CHRM3: variants seen among roughly 807,000 people sequenced by gnomAD.
CHRM3 encodes muscarinic acetylcholine receptor M3.
CHRM3 carries 11 observed loss-of-function variants against 41.8 expected under a neutral mutation model. The observed-to-expected ratio is 0.26, with a 90% CI of 0.17 to 0.44. The LOEUF is 0.44. CHRM3 is among the 20% of genes least tolerant of loss of function. The pLI is 1.00. For synonymous variants in CHRM3, 297 were observed against 301.4 expected (o/e 0.99, Z 0.15); for missense variants, 571 against 745.4 (o/e 0.77, Z 2.72).
chr1:239,479,449 C>A (rs1220386903), intron 1 of CHRM3, among the ~76,000 whole-genome samples: 1 of 152,048 alleles, frequency 6.6e-6, no homozygotes, highest in East Asian at 1.9e-4. Context: ...CCAATGGAAG[C>A]CAAAAGACAT....
In CHRM3 at chr1:239,550,988, A is replaced by T. The variant is rs181982779; in HGVS notation, c.-313+5239A>T. Reference sequence around the variant, plus strand: ...TGTTCAACATTCCAGGCTTGAATTCATCACTGTTTTTTAAAGTATACATAT... The same window carrying T: ...TGTTCAACATTCCAGGCTTGAATTCTTCACTGTTTTTTAAAGTATACATAT... On this transcript the variant is annotated intron_variant, in intron 3 of 6. Coordinates refer to ENST00000676153, the MANE Select transcript of CHRM3 (RefSeq NM_001375978.1). 3.9e-5 allele frequency among the ~76,000 whole-genome samples: 6 copies of T among 152,012 alleles called. No individual in the cohort carries two copies. In the East Asian group the frequency reaches 7.7e-4, roughly 20 times the overall value.
intron 2 of CHRM3, among the ~76,000 whole-genome samples, chr1:239,535,219 G>C (rs191332419): frequency 6.6e-6 from 1 of 152,180 alleles, no homozygotes; most frequent in South Asian, 2.1e-4. Context: ...CCAATCAACC[G>C]TGCCAGTGGC....
intron 3 of CHRM3, among the ~76,000 whole-genome samples, chr1:239,622,393 C>T (rs1668478176): frequency 6.6e-6 from 1 of 152,076 alleles, no homozygotes; most frequent in Non-Finnish European, 1.5e-5. Flanking sequence ...TGGATCTGGG[C>T]AATGTCAATT....
chr1:239,850,449 T>G (rs1446415748), intron 6 of CHRM3, among the ~76,000 whole-genome samples: 1 of 152,116 alleles, frequency 6.6e-6, no homozygotes, highest in Non-Finnish European at 1.5e-5. Flanking sequence ...GTAATTTTCA[T>G]TGAAAGAAAT....
chr1:239,824,266 C>T (rs1384841190), intron 5 of CHRM3, among the ~76,000 whole-genome samples: 3 of 152,122 alleles, frequency 2.0e-5, no homozygotes, highest in Admixed American at 1.3e-4. Context: ...AGAGAACAAC[C>T]GTCAGCAAGT....
chr1:239,526,193 C>T (rs1669983179), intron 2 of CHRM3, among the ~76,000 whole-genome samples: 1 of 152,110 alleles, frequency 6.6e-6, no homozygotes, highest in African/African-American at 2.4e-5. Flanking sequence ...TTGCCTATGT[C>T]CTTGCCTGTC....
In CHRM3 at chr1:239,874,297, A is replaced by ATATATATATCTATATACACAGTG. The variant is rs1553291920; in HGVS notation, c.-19-33127_-19-33126insCTATATACACAGTGTATATATAT. ...ATCTATATACACAGTATATATATATATATATATATATATATATATATATAT... is the reference window on the plus strand; with the variant it reads ...ATCTATATACACAGTATATATATATATATATATATCTATATACACAGTGTATATATATATATATATATATATAT... On this transcript the variant is annotated intron_variant, in intron 6 of 6. Coordinates refer to ENST00000676153, the MANE Select transcript of CHRM3 (RefSeq NM_001375978.1). 7.9e-4 allele frequency among the ~76,000 whole-genome samples: 73 copies of ATATATATATCTATATACACAGTG among 92,194 alleles called. 3 individuals carry two copies. Among genetic ancestry groups the ATATATATATCTATATACACAGTG allele is most frequent in the Non-Finnish European group, 1.2e-3 (55 of 47,612 alleles). 60.5% of individuals were successfully genotyped at this position (92,194 alleles called of 152,430 possible).
chr1:239,904,542 A>G (rs898632553), intron 6 of CHRM3, among the ~76,000 whole-genome samples: 1 of 152,228 alleles, frequency 6.6e-6, no homozygotes, highest in African/African-American at 2.4e-5. Flanking sequence ...CAGCAGACAG[A>G]TCTTCTGTAC....
intron 3 of CHRM3, among the ~76,000 whole-genome samples, chr1:239,630,822 T>TA (rs1669733470): frequency 6.6e-6 from 1 of 151,930 alleles, no homozygotes; most frequent in Non-Finnish European, 1.5e-5. Context: ...GCCCAGGGTA[T>TA]AAAGTGCATG....
At chr1:239,890,481 G>C (rs1035524647) in intron 6 of CHRM3, among the ~76,000 whole-genome samples, 1 of 152,110 alleles carries the variant, frequency 6.6e-6, no homozygotes, top group Admixed American at 6.6e-5. Flanking sequence ...CTGAGCATCA[G>C]TGTCCTCATA....
At chr1:239,759,970 A>G (rs904301424) in intron 5 of CHRM3, among the ~76,000 whole-genome samples, 14 of 151,946 alleles carry the variant, frequency 9.2e-5, no homozygotes, top group Non-Finnish European at 2.9e-5. Context: ...GCTGGAGTGC[A>G]GTGGCGCGAT....
chr1:239,569,804 C>T (rs756031813), intron 3 of CHRM3, among the ~76,000 whole-genome samples: 18 of 152,010 alleles, frequency 1.2e-4, no homozygotes, highest in Non-Finnish European at 2.4e-4. Context: ...GGAGTCTGGT[C>T]ATAAATGTCT....
At chr1:239,581,473 G>A (rs1249054136) in intron 3 of CHRM3, among the ~76,000 whole-genome samples, 4 of 151,556 alleles carry the variant, frequency 2.6e-5, no homozygotes, top group African/African-American at 4.8e-5. Context: ...TGGGGGGGAT[G>A]TATGTATAAA....
chr1:239,629,426 G>C (rs558101353), intron 3 of CHRM3: 5 of 150,302 alleles, frequency 3.3e-5, no homozygotes, highest in African/African-American at 1.0e-4. Context: ...AGATGAACCC[G>C]GTACCTCAGA....
chr1:239,907,138 C>T lies in CHRM3; in HGVS notation c.-19-295C>T, dbSNP rs536877153. On this transcript the variant is annotated intron_variant, in intron 6 of 6. Coordinates refer to ENST00000676153, the MANE Select transcript of CHRM3 (RefSeq NM_001375978.1). This position sits in a 1 kb window ranked among gnomAD's most constrained non-coding sequence, Gnocchi z 5.4. Reference sequence around the variant, plus strand: ...CTTTACAAAATAAGAGAAGTAAGGGCGATTTTGTCTAGTAACAGAATTACA... The same window carrying T: ...CTTTACAAAATAAGAGAAGTAAGGGTGATTTTGTCTAGTAACAGAATTACA... Among the ~76,000 whole-genome samples the T allele has an allele frequency of 6.6e-6, 1 of 152,126 alleles. No individual in the cohort carries two copies. Among genetic ancestry groups the T allele is most frequent in the South Asian group, 2.1e-4 (1 of 4,812 alleles).
chr1:239,520,032 CT>C (rs967678631), intron 2 of CHRM3, among the ~76,000 whole-genome samples: 74 of 152,260 alleles, frequency 4.9e-4, no homozygotes, highest in African/African-American at 1.7e-3. Flanking sequence ...AGTTCTTACT[CT>C]TTCACTTTTC....
chr1:239,630,595 A>C (rs1475847036), intron 3 of CHRM3, among the ~76,000 whole-genome samples: 3 of 152,206 alleles, frequency 2.0e-5, no homozygotes, highest in Admixed American at 1.3e-4. Flanking sequence ...ACATCCTTGC[A>C]CTGAAGTGTT....
chr1:239,609,096 T>C (rs1666697996), intron 3 of CHRM3, among the ~76,000 whole-genome samples: 1 of 152,218 alleles, frequency 6.6e-6, no homozygotes, highest in Non-Finnish European at 1.5e-5. Flanking sequence ...TTCCACACTT[T>C]GTAATACATT....
chr1:239,697,977 G>C (rs1291297013), intron 5 of CHRM3, among the ~76,000 whole-genome samples: 1 of 152,196 alleles, frequency 6.6e-6, no homozygotes, highest in Non-Finnish European at 1.5e-5. Context: ...GATGATGAGA[G>C]AGAGCTGGCA....
Sources: allele counts gnomAD v4.1 joint callset (sites outside exome capture counted in the v4.1 genomes callset), GRCh38; gene constraint gnomAD v4.1.1; non-coding constraint Gnocchi (gnomAD v3.1); transcripts MANE v1.5; gene names NCBI Gene and HGNC (gene_info 2026-07-23, HGNC 2026-07-21).